PRKAR2B: variants seen among roughly 807,000 people sequenced by gnomAD.
PRKAR2B encodes the protein protein kinase cAMP-dependent type II regulatory subunit beta, also known as cAMP-dependent protein kinase type II-beta regulatory subunit.
PRKAR2B carries 14 observed loss-of-function variants against 49.9 expected under a neutral mutation model. The ratio of observed to expected loss-of-function variants is 0.28; its 90% CI spans 0.19 to 0.44. The LOEUF is 0.44. Ranked by LOEUF, PRKAR2B falls within the 20% of genes least tolerant of loss-of-function variation. The probability of loss-of-function intolerance (pLI) is 1.00; values close to 1 mark genes in which losing one functional copy is unlikely to be tolerated. For missense variants in PRKAR2B, 393 were observed against 537.9 expected (o/e 0.73, Z 2.67); for synonymous variants, 196 against 197.7 (o/e 0.99, Z 0.07).
Position 107,076,739 on chromosome 7 carries a change from G to T in PRKAR2B, c.343+6423G>T, listed in dbSNP as rs561868092. Among the ~76,000 whole-genome samples, 5 of 152,154 alleles carry T rather than the reference G, an allele frequency of 3.3e-5. No homozygotes were observed. The South Asian group carries it at 1.0e-3, about 32-fold the overall frequency. On this transcript the variant is annotated intron_variant, in intron 2 of 10. Coordinates refer to ENST00000265717, the MANE Select transcript of PRKAR2B (RefSeq NM_002736.3). ...ATAATTTTGTGGTATATTTTTAACA[G>T]AACTAAAATTTTATAATTTTCTGTA... is the stretch of plus-strand genomic sequence containing the variant.
At chr7:107,135,600 T>A (rs1370203345) in intron 4 of PRKAR2B, among the ~76,000 whole-genome samples, 1 of 152,110 alleles carries the variant, frequency 6.6e-6, no homozygotes, top group African/African-American at 2.4e-5. Context: ...AATTTGAAAT[T>A]AAAAATACAA....
At chr7:107,059,021 C>A (rs547644449) in intron 1 of PRKAR2B, among the ~76,000 whole-genome samples, 1 of 152,230 alleles carries the variant, frequency 6.6e-6, no homozygotes, top group Non-Finnish European at 1.5e-5. Context: ...CACGGTGGCT[C>A]ACGCCTGTAT....
At chr7:107,083,850 A>G (rs1794562961) in intron 2 of PRKAR2B, among the ~76,000 whole-genome samples, 1 of 152,140 alleles carries the variant, frequency 6.6e-6, no homozygotes. Context: ...TGACGTTGTG[A>G]TCCACCTGCC....
At position 107,092,245 on chromosome 7, in the gene PRKAR2B, T is replaced by TTGTGTGTG. The variant is rs34502492; in HGVS notation, c.343+21946_343+21953dup. 1.3e-3 allele frequency among the ~76,000 whole-genome samples: 193 copies of TTGTGTGTG among 148,386 alleles called. 1 individual carries two copies. The highest frequency in any genetic ancestry group is 1.2e-3 in the East Asian group (6 of 5,014). On this transcript the variant is annotated intron_variant, in intron 2 of 10. Coordinates refer to ENST00000265717, the MANE Select transcript of PRKAR2B (RefSeq NM_002736.3). ...CTGTATGTGATGGGGAACCATTAAGTTGTGTGTGTGTGTGTGTGTGTGTGC... is the reference window on the plus strand; with the variant it reads ...CTGTATGTGATGGGGAACCATTAAGTTGTGTGTGTGTGTGTGTGTGTGTGTGTGTGTGC...
intron 8 of PRKAR2B, among the ~76,000 whole-genome samples, chr7:107,155,875 G>A (rs922137174): frequency 2.0e-5 from 3 of 152,170 alleles, no homozygotes; most frequent in Non-Finnish European, 2.9e-5. Context: ...ATCAGTGATA[G>A]ACTGGATAAA....
Position 107,127,638 on chromosome 7 carries a change from TC to T in PRKAR2B, c.397-571del, listed in dbSNP as rs539247953. Among the ~76,000 whole-genome samples, 613 of 152,360 alleles carry T rather than the reference TC, an allele frequency of 4.0e-3. 4 individuals are homozygous for T. Among genetic ancestry groups the T allele is most frequent in the African/African-American group, 0.014 (579 of 41,588 alleles). On this transcript the variant is annotated intron_variant, in intron 3 of 10. Transcript: ENST00000265717. ...GGAGTGGCAGTGCATGATTGTTTGCTCCCTTCTAAAAATCACTTGCTCGCTG... is the reference window on the plus strand; with the variant it reads ...GGAGTGGCAGTGCATGATTGTTTGCTCCTTCTAAAAATCACTTGCTCGCTG...
chr7:107,079,456 A>C (rs1794473092), intron 2 of PRKAR2B: 1 of 151,944 alleles, frequency 6.6e-6, no homozygotes, highest in Non-Finnish European at 1.5e-5. Flanking sequence ...AAAAAAAAAA[A>C]CAAACATACC....
rs541062901 is a variant in PRKAR2B, at chr7:107,056,631, T to C, written c.307+11417T>C. On this transcript the variant is annotated intron_variant, in intron 1 of 10. Coordinates refer to ENST00000265717, the MANE Select transcript of PRKAR2B (RefSeq NM_002736.3). ...GCTCTGTGTTTGTCTGTTATTGGTG[T>C]AAGAATGCTTGTGATTTTTTCACAC... Among the ~76,000 whole-genome samples the C allele has an allele frequency of 3.9e-4, 59 of 152,322 alleles. 1 individual carries two copies. In the South Asian group the frequency reaches 0.012, roughly 30 times the overall value.
chr7:107,101,341 T>TG (rs1191434570), intron 2 of PRKAR2B, among the ~76,000 whole-genome samples: 1 of 152,122 alleles, frequency 6.6e-6, no homozygotes, highest in African/African-American at 2.4e-5. Context: ...TGTGTGAGTT[T>TG]GGGGGCATAT....
At chr7:107,112,331 A>G (rs964474844) in intron 2 of PRKAR2B, among the ~76,000 whole-genome samples, 3 of 151,910 alleles carry the variant, frequency 2.0e-5, no homozygotes, top group African/African-American at 7.2e-5. Context: ...TATTGTCTTT[A>G]TATCACATCA....
Position 107,048,559 on chromosome 7 carries a change from AG to A in PRKAR2B, c.307+3348del, listed in dbSNP as rs145348134. Among the ~76,000 whole-genome samples the A allele has an allele frequency of 1.6e-3, 243 of 152,342 alleles. 5 individuals are homozygous for A. In the East Asian group the frequency reaches 0.042, roughly 26 times the overall value. On this transcript the variant is annotated intron_variant, in intron 1 of 10. Transcript: ENST00000265717. ...CCATTGACAAACGTAGGACAAACGT[AG>A]GGATCAAGCATGTGACCTTGACCTT...
At chr7:107,145,550 A>G (rs146193587) in intron 5 of PRKAR2B, among the ~76,000 whole-genome samples, 228 of 152,224 alleles carry the variant, frequency 1.5e-3, no homozygotes, top group African/African-American at 5.2e-3. Context: ...CAGTGATTTG[A>G]TAAATGTTTC....
chr7:107,069,870 A>G (rs1017022550), intron 1 of PRKAR2B: 1 of 153,676 alleles, frequency 6.5e-6, no homozygotes, highest in Non-Finnish European at 1.4e-5. Context: ...TTATTCATAC[A>G]TTGCTCTTTC....
chr7:107,084,116 A>G (rs1794567438), intron 2 of PRKAR2B, among the ~76,000 whole-genome samples: 2 of 152,218 alleles, frequency 1.3e-5, no homozygotes, highest in African/African-American at 4.8e-5. Context: ...CTAAATTCCA[A>G]TAAAGCAGAG....
At chr7:107,158,907 A>C (rs1368281131) in intron 10 of PRKAR2B, among the ~76,000 whole-genome samples, 1 of 152,216 alleles carries the variant, frequency 6.6e-6, no homozygotes, top group East Asian at 1.9e-4. Context: ...TCCAGGAGAC[A>C]GGCAAGCAAA....
chr7:107,078,998 G>A (rs1794462523), intron 2 of PRKAR2B, among the ~76,000 whole-genome samples: 1 of 152,180 alleles, frequency 6.6e-6, no homozygotes, highest in African/African-American at 2.4e-5. Flanking sequence ...GATAACATGG[G>A]AATTATGTAA....
At chr7:107,072,851 A>G (rs1038495403) in intron 2 of PRKAR2B, among the ~76,000 whole-genome samples, 16 of 152,184 alleles carry the variant, frequency 1.1e-4, no homozygotes, top group Admixed American at 6.5e-4. Flanking sequence ...TCTTTTCATA[A>G]CCCATAAAAC....
At chr7:107,125,030 T>C (rs1795459242) in intron 3 of PRKAR2B, among the ~76,000 whole-genome samples, 1 of 152,198 alleles carries the variant, frequency 6.6e-6, no homozygotes, top group South Asian at 2.1e-4. Flanking sequence ...CGCTTGAATT[T>C]GAATTTAATA....
At chr7:107,072,280 G>A (rs1460287428) in intron 2 of PRKAR2B, among the ~76,000 whole-genome samples, 1 of 151,872 alleles carries the variant, frequency 6.6e-6, no homozygotes, top group Non-Finnish European at 1.5e-5. Flanking sequence ...GCTGTATACA[G>A]CAGTAAGCCT....
Sources: allele counts gnomAD v4.1 joint callset (sites outside exome capture counted in the v4.1 genomes callset), GRCh38; gene constraint gnomAD v4.1.1; transcripts MANE v1.5; gene names NCBI Gene and HGNC (gene_info 2026-07-23, HGNC 2026-07-21).